Variants in DHX29 observed in about 807,000 individuals in gnomAD.
The protein encoded by DHX29 is DExH-box helicase 29.
DHX29 carries 79 observed loss-of-function variants against 167.9 expected under a neutral mutation model. The ratio of observed to expected loss-of-function variants is 0.47; its 90% CI spans 0.39 to 0.57. DHX29 has a LOEUF of 0.57. Ranked by LOEUF, DHX29 falls within the 20% of genes least tolerant of loss-of-function variation. DHX29 has a pLI of 0.00. For missense variants in DHX29, 1,347 were observed against 1,593.4 expected (o/e 0.85, Z 2.63); for synonymous variants, 530 against 546.0 (o/e 0.97, Z 0.41).
At chr5:55,289,573 C>T (rs1747931573) in intron 7 of DHX29, 145 bp from the exon 8 acceptor site, 1 of 564,722 alleles carries the variant, frequency 1.8e-6, no homozygotes, top group South Asian at 4.9e-5. Context: ...AAACTGCATT[C>T]CTTCTTTTTC....
chr5:55,274,295 G>A (rs1349433528), intron 16 of DHX29, among the ~76,000 whole-genome samples: 2 of 152,070 alleles, frequency 1.3e-5, no homozygotes, highest in Non-Finnish European at 2.9e-5. Context: ...CTGCTCAGGA[G>A]GCTGAGGTGG....
chr5:55,298,308 C>G (rs1748422068), intron 2 of DHX29, among the ~76,000 whole-genome samples: 1 of 152,126 alleles, frequency 6.6e-6, no homozygotes, highest in African/African-American at 2.4e-5. Context: ...AAGTAGAGAT[C>G]AGAGTAGCAG....
intron 21 of DHX29, 125 bp from the exon 22 acceptor site, chr5:55,267,947 TTTA>T (rs56240047): frequency 0.63 from 286,888 of 453,454 alleles, 93,517 homozygotes; most frequent in Non-Finnish European, 0.69. Flanking sequence ...TTTTCAATAT[TTTA>T]TTATGTTTAT....
chr5:55,278,476 T>A (rs13186937), intron 12 of DHX29, among the ~76,000 whole-genome samples: 1 of 152,124 alleles, frequency 6.6e-6, no homozygotes, highest in Non-Finnish European at 1.5e-5. Context: ...GTTGTGACAA[T>A]CAAATGAGAT....
chr5:55,279,104 A>G (rs541802740), intron 12 of DHX29, among the ~76,000 whole-genome samples: 1 of 152,334 alleles, frequency 6.6e-6, no homozygotes, highest in East Asian at 1.9e-4. Context: ...TTCATTAGAG[A>G]CTTTTGTAGT....
intron 2 of DHX29, 63 bp from the exon 3 acceptor site, chr5:55,297,461 C>T: frequency 1.3e-6 from 1 of 748,758 alleles, no homozygotes. Flanking sequence ...AAAAGCCAAT[C>T]ATACAGTTTT....
At chr5:55,278,409 T>C (rs1437060132) in intron 12 of DHX29, among the ~76,000 whole-genome samples, 2 of 152,232 alleles carry the variant, frequency 1.3e-5, no homozygotes, top group Admixed American at 6.5e-5. Flanking sequence ...GTCATTTAAA[T>C]ATTCTGGGTC....
chr5:55,266,980 T>C (rs556297197), intron 23 of DHX29, among the ~76,000 whole-genome samples, 158 bp downstream of exon 23: 5 of 150,872 alleles, frequency 3.3e-5, no homozygotes, highest in Non-Finnish European at 7.4e-5. Context: ...TACAAGTTAC[T>C]TGCTGGAAGA....
intron 17 of DHX29, among the ~76,000 whole-genome samples, chr5:55,273,059 A>T (rs1261941276): frequency 1.3e-5 from 2 of 152,212 alleles, no homozygotes; most frequent in Non-Finnish European, 2.9e-5. Flanking sequence ...TTTTTCAACT[A>T]GCACTCCCTC....
chr5:55,299,473 A>T (rs1748493705), intron 1 of DHX29, among the ~76,000 whole-genome samples: 1 of 152,088 alleles, frequency 6.6e-6, no homozygotes, highest in Admixed American at 6.6e-5. Context: ...ATTACCACAA[A>T]CTTGATGGCT....
intron 23 of DHX29, among the ~76,000 whole-genome samples, chr5:55,265,510 G>A (rs1245187449): frequency 6.6e-6 from 1 of 151,426 alleles, no homozygotes; most frequent in Non-Finnish European, 1.5e-5. Flanking sequence ...CCAGAATGCA[G>A]GAAACTCTAC....
At chr5:55,272,545 C>T (rs1300925088) in intron 17 of DHX29, among the ~76,000 whole-genome samples, 1 of 152,132 alleles carries the variant, frequency 6.6e-6, no homozygotes, top group African/African-American at 2.4e-5. Context: ...CCAGCCTGAC[C>T]AACATGGCAA....
chr5:55,258,117 A>G (rs1746140119), intron 26 of DHX29, among the ~76,000 whole-genome samples: 1 of 152,242 alleles, frequency 6.6e-6, no homozygotes, highest in Non-Finnish European at 1.5e-5. Context: ...TACTTTGTTC[A>G]GTACAATCAT....
Position 55,307,551 on chromosome 5 carries a change from T to C in DHX29, c.23A>G (p.His8Arg), listed in dbSNP as rs770808749. Residue 8 changes from histidine to arginine, a missense_variant, in exon 1 of 27, where the codon CAC becomes CGC. His to Arg is a conservative substitution (Grantham distance 29). Around this residue, in one of 3 missense-constraint regions of DHX29, gnomAD observed 405 missense variants for 416.8 expected, o/e 0.97. Transcript: ENST00000251636. Reference protein sequence around the residue: MGGKNKKHKAPAAAVVRA... With the variant: MGGKNKKRKAPAAAVVRA... ...GACCACCGCGGCCGCTGGAGCCTTG[T>C]GTTTCTTGTTCTTGCCGCCCATGTT... 3.0e-5 allele frequency: 48 copies of C among 1,613,592 alleles called. No homozygotes were observed. The highest frequency in any genetic ancestry group is 4.0e-5 in the Non-Finnish European group (47 of 1,179,954).
intron 26 of DHX29, among the ~76,000 whole-genome samples, chr5:55,257,340 AAAC>A (rs1180240506): frequency 1.3e-5 from 2 of 152,218 alleles, no homozygotes; most frequent in African/African-American, 4.8e-5. Flanking sequence ...GTGGCATTAG[AAAC>A]AACAACAAAA....
chr5:55,284,196 G>A (rs1747595491), intron 10 of DHX29, among the ~76,000 whole-genome samples: 1 of 152,154 alleles, frequency 6.6e-6, no homozygotes, highest in South Asian at 2.1e-4. Flanking sequence ...GGCATATTCT[G>A]AGGTTAAGAT....
At chr5:55,294,275 A>C in intron 5 of DHX29, 130 bp from the exon 6 acceptor site, 1 of 866,274 alleles carries the variant, frequency 1.2e-6, no homozygotes, top group Middle Eastern at 2.7e-4. Context: ...CTTATTGCTC[A>C]GTGAAGGACA....
rs1189233962 is a variant in DHX29 at position 55,284,916 on chromosome 5, C to T, written c.1356+377G>A. On this transcript the variant is annotated intron_variant, in intron 10 of 26. Coordinates refer to ENST00000251636, the MANE Select transcript of DHX29 (RefSeq NM_019030.4). ...GGATGTGGTGGCACATGCCTGTAGTCCCAGCTATTCGGGAGGCTGAGGCAG... is the reference window on the plus strand; with the variant it reads ...GGATGTGGTGGCACATGCCTGTAGTTCCAGCTATTCGGGAGGCTGAGGCAG... Among the ~76,000 whole-genome samples, 3 of 152,134 alleles carry T rather than the reference C, an allele frequency of 2.0e-5. No homozygotes were observed. The South Asian group carries it at 6.2e-4, about 32-fold the overall frequency.
intron 10 of DHX29, 44 bp downstream of exon 10, chr5:55,285,249 A>C: frequency 1.3e-6 from 2 of 1,590,140 alleles, no homozygotes; most frequent in Non-Finnish European, 1.7e-6. Context: ...ATAATTAAAT[A>C]CTGCCTTCCA....
Sources: gnomAD v4.1 joint callset for allele counts (sites outside exome capture counted in the v4.1 genomes callset) on GRCh38, gnomAD v4.1.1 for gene constraint, gnomAD v4.1.1 regional missense constraint, MANE v1.5 for transcripts, NCBI Gene and HGNC (gene_info 2026-07-23, HGNC 2026-07-21) for gene names.